The following SELPLG variants were observed in gnomAD, a reference collection of about 807,000 sequenced individuals.
SELPLG encodes selectin P ligand, also known as P-selectin glycoprotein ligand 1.
Under a neutral mutation model 1.1 loss-of-function variants are expected in SELPLG, and 2 were observed. The observed-to-expected ratio is 1.82, with a 90% CI of 0.74 to 5.71. SELPLG has a LOEUF of 5.71. Ranked by LOEUF, SELPLG falls within the 30% of genes most tolerant of loss-of-function variation. The pLI is 0.05. For synonymous variants in SELPLG, 230 were observed against 221.2 expected, an observed-to-expected ratio of 1.04 and a Z score of -0.35; for missense variants, 478 against 524.7, an observed-to-expected ratio of 0.91 and a Z score of 0.87.
At chr12:108,632,096 G>A in intron 1 of SELPLG, 1 of 632,276 alleles carries the variant, frequency 1.6e-6, no homozygotes, top group South Asian at 1.9e-5. Context: ...CAGCTCCTCT[G>A]AATGCCCCAC....
intron 1 of SELPLG, among the ~76,000 whole-genome samples, chr12:108,628,009 A>G (rs896725134): frequency 6.6e-6 from 1 of 152,058 alleles, no homozygotes; most frequent in Non-Finnish European, 1.5e-5. Context: ...GAGCCTGGAG[A>G]GATTGAGGCT....
At position 108,623,498 on chromosome 12, in the gene SELPLG, CTCTGTGGCACTGGGT is replaced by C. The variant is rs749975520; in HGVS notation, c.795_809del (p.Pro266_Glu270del). On this transcript the variant is annotated inframe_deletion, in exon 2 of 2. Transcript: ENST00000550948. ...TGGTAGTAGGTTCCATGGACAGGGC[CTCTGTGGCACTGGGT>C]TCTGTGGACAGGGCCTCCATGGCTG... 3.1e-6 allele frequency: 5 copies of C among 1,614,238 alleles called. No homozygotes were observed. In the Admixed American group the frequency reaches 8.3e-5, roughly 27 times the overall value.
At chr12:108,628,142 C>T (rs1592820764) in intron 1 of SELPLG, among the ~76,000 whole-genome samples, 1 of 151,890 alleles carries the variant, frequency 6.6e-6, no homozygotes, top group African/African-American at 2.4e-5. Flanking sequence ...GCACACCTAT[C>T]GTCTCAGCTA....
intron 1 of SELPLG, among the ~76,000 whole-genome samples, chr12:108,631,423 A>AT (rs1418965737): frequency 6.6e-6 from 1 of 151,800 alleles, no homozygotes; most frequent in East Asian, 1.9e-4. Flanking sequence ...CTACTTTTAA[A>AT]TTTTTTGTAG....
rs1470232948 is a variant in SELPLG at position 108,633,763 on chromosome 12, A to G, written c.-29T>C. 6.6e-6 allele frequency: 1 copy of G among 152,284 alleles called. No individual in the cohort carries two copies. Among genetic ancestry groups the G allele is most frequent in the African/African-American group, 2.4e-5 (1 of 41,450 alleles). The allele number at this position is 152,284 out of a possible 1,614,324, so 9.4% of individuals were successfully genotyped here. A position where few individuals can be genotyped will look rare whatever the true frequency, so the allele number is the denominator to read the frequency against. On this transcript the variant is annotated 5_prime_UTR_variant, in exon 1 of 2. Transcript: ENST00000550948. ...ACCACCGTGCTCAGCAGAGCATGGGACAGCTGCCTCGTGGGCCCAGAAGAA... is the reference window on the plus strand; with the variant it reads ...ACCACCGTGCTCAGCAGAGCATGGGGCAGCTGCCTCGTGGGCCCAGAAGAA...
intron 1 of SELPLG, among the ~76,000 whole-genome samples, chr12:108,632,571 G>A (rs1302314489): frequency 1.3e-5 from 2 of 151,854 alleles, no homozygotes; most frequent in East Asian, 3.9e-4. Flanking sequence ...TTGGAGTGCA[G>A]TGGCACAATC....
At chr12:108,624,674 T>C (rs889004032) in intron 1 of SELPLG, among the ~76,000 whole-genome samples, 1 of 151,784 alleles carries the variant, frequency 6.6e-6, no homozygotes, top group Non-Finnish European at 1.5e-5. Context: ...CTATTAACTT[T>C]TCATGTCACT....
chr12:108,624,236 C>A lies in SELPLG; in HGVS notation c.72G>T (p.Trp24Cys). 6.2e-7 allele frequency: 1 copy of A among 1,614,202 alleles called. No individual in the cohort carries two copies. ...PGNSLQLWDT[W>C]ADEAEKALGP... ...CCAAGGCTTTCTCGGCTTCATCTGCCCAGGTGTCCCACAGCTGCAAGCTGT... is the reference window on the plus strand; with the variant it reads ...CCAAGGCTTTCTCGGCTTCATCTGCACAGGTGTCCCACAGCTGCAAGCTGT... Residue 24 changes from tryptophan to cysteine, a missense_variant, in exon 2 of 2, where the codon TGG (tryptophan) becomes TGT (cysteine). Transcript: ENST00000550948.
chr12:108,627,073 C>T (rs948131956), intron 1 of SELPLG, among the ~76,000 whole-genome samples: 5 of 152,186 alleles, frequency 3.3e-5, no homozygotes, highest in Non-Finnish European at 5.9e-5. Context: ...CACTGCACTC[C>T]AGTCTGGGAG....
intron 1 of SELPLG, among the ~76,000 whole-genome samples, chr12:108,624,574 G>A (rs1377809332): frequency 6.6e-6 from 1 of 152,080 alleles, no homozygotes; most frequent in African/African-American, 2.4e-5. Context: ...AAATTGATTT[G>A]CCTCCCTCTC....
rs766230490 is a variant in SELPLG at position 108,623,734 on chromosome 12, G to A, written c.574C>T (p.Gln192Ter). 2.5e-6 allele frequency: 4 copies of A among 1,607,554 alleles called. No individual in the cohort carries two copies. Among genetic ancestry groups the A allele is most frequent in the Non-Finnish European group, 3.4e-6 (4 of 1,177,782 alleles). ...TCCATGGCTGCTGGTGCAGTGGTCT[G>A]TGCCTCCAGGCCTGTGGGTTGAGTG... ...QTTQPTGLEA[Q>*]TTAPAAMEAQ... The change falls in exon 2 of 2, where the codon CAG becomes TAG. Residue 192 changes from glutamine (Q) to a stop codon, truncating the protein, a stop_gained. Coordinates refer to ENST00000550948, the MANE Select transcript of SELPLG (RefSeq NM_003006.4). LOFTEE classifies it low-confidence loss of function (END_TRUNC).
At chr12:108,630,112 C>T (rs898082172) in intron 1 of SELPLG, among the ~76,000 whole-genome samples, 1 of 152,208 alleles carries the variant, frequency 6.6e-6, no homozygotes, top group Non-Finnish European at 1.5e-5. Flanking sequence ...GGCAGGGCTC[C>T]GACAGAGGCG....
chr12:108,627,773 G>A (rs1406098252), intron 1 of SELPLG, among the ~76,000 whole-genome samples: 2 of 151,976 alleles, frequency 1.3e-5, no homozygotes, highest in South Asian at 2.1e-4. Flanking sequence ...TCCCCATCTC[G>A]ACACAAATAG....
At chr12:108,627,802 G>A (rs1470716123) in intron 1 of SELPLG, among the ~76,000 whole-genome samples, 1 of 152,156 alleles carries the variant, frequency 6.6e-6, no homozygotes, top group Non-Finnish European at 1.5e-5. Context: ...GGCCAGTCAC[G>A]GTGGCTCACT....
At chr12:108,628,052 G>C (rs1170204570) in intron 1 of SELPLG, among the ~76,000 whole-genome samples, 1 of 152,072 alleles carries the variant, frequency 6.6e-6, no homozygotes, top group African/African-American at 2.4e-5. Flanking sequence ...CTGCACCCCA[G>C]CCTGGGTGAC....
rs947134102 is a variant in SELPLG at position 108,633,738 on chromosome 12, A to G, written c.-6+2T>C. On this transcript the variant is annotated splice_donor_variant, in intron 1 of 1. Coordinates refer to ENST00000550948, the MANE Select transcript of SELPLG (RefSeq NM_003006.4). LOFTEE classifies it low-confidence loss of function (5UTR_SPLICE). Reference sequence around the variant, plus strand: ...CCTGTGGTTTTGCAAGCCAGCACTTACCACCGTGCTCAGCAGAGCATGGGA... The same window carrying G: ...CCTGTGGTTTTGCAAGCCAGCACTTGCCACCGTGCTCAGCAGAGCATGGGA... The G allele has an allele frequency of 1.3e-5, 2 of 152,304 alleles. No homozygotes were observed. The highest frequency in any genetic ancestry group is 1.5e-5 in the Non-Finnish European group (1 of 68,118). 9.4% of individuals were successfully genotyped at this position (152,304 alleles called of 1,614,324 possible). A position where few individuals can be genotyped will look rare whatever the true frequency, so the allele number is the denominator to read the frequency against.
At chr12:108,627,110 T>TA (rs2031950696) in intron 1 of SELPLG, among the ~76,000 whole-genome samples, 2 of 151,894 alleles carry the variant, frequency 1.3e-5, no homozygotes, top group Non-Finnish European at 2.9e-5. Flanking sequence ...GTCTAAAAAA[T>TA]AAAAAAATAC....
intron 1 of SELPLG, among the ~76,000 whole-genome samples, chr12:108,630,729 G>C (rs748235096): frequency 2.0e-5 from 3 of 152,176 alleles, no homozygotes; most frequent in Non-Finnish European, 4.4e-5. Flanking sequence ...GTTGAAGAGG[G>C]CCAGGGAAAT....
chr12:108,632,655 C>T (rs1332642343), intron 1 of SELPLG, among the ~76,000 whole-genome samples: 1 of 151,904 alleles, frequency 6.6e-6, no homozygotes. Flanking sequence ...GCTGAGACCA[C>T]AGGCATACAC....
Sources: allele counts gnomAD v4.1 joint callset (sites outside exome capture counted in the v4.1 genomes callset), GRCh38; gene constraint gnomAD v4.1.1; transcripts MANE v1.5; gene names NCBI Gene and HGNC (gene_info 2026-07-23, HGNC 2026-07-21).